The following PBX2 variants were observed in gnomAD, a reference collection of about 807,000 sequenced individuals.
The protein encoded by PBX2 is pre-B-cell leukemia transcription factor 2.
PBX2 carries 10 observed loss-of-function variants against 46.5 expected under a neutral mutation model. The ratio of observed to expected loss-of-function variants is 0.21; its 90% CI spans 0.13 to 0.36. PBX2 has a LOEUF of 0.36. Ranked by LOEUF, PBX2 falls within the 10% of genes least tolerant of loss-of-function variation. The pLI is 1.00. For missense variants in PBX2, 392 were observed against 580.5 expected, an observed-to-expected ratio of 0.68 and a Z score of 3.34; for synonymous variants, 160 against 222.5, an observed-to-expected ratio of 0.72 and a Z score of 2.50.
chr6:32,189,909 C>G lies in PBX2; in HGVS notation c.7G>C (p.Glu3Gln), dbSNP rs774117070. The G allele has an allele frequency of 6.8e-6, 9 of 1,324,594 alleles. No homozygotes were observed. The highest frequency in any genetic ancestry group is 1.6e-5 in the South Asian group (1 of 63,740). 82.1% of individuals were successfully genotyped at this position (1,324,594 alleles called of 1,614,324 possible). The change falls in exon 1 of 9, where the codon GAA becomes CAA. Residue 3 changes from glutamate (E) to glutamine (Q), a missense_variant. Around this residue, in one of 3 missense-constraint regions of PBX2, gnomAD observed 196 missense variants for 246.9 expected, o/e 0.79. Coordinates refer to ENST00000375050, the MANE Select transcript of PBX2 (RefSeq NM_002586.5). The surrounding 1 kb of genome is among the most constrained non-coding windows in gnomAD (Gnocchi z 4.7). Reference protein sequence around the residue: MDERLLGPPPPGG... With the variant: MDQRLLGPPPPGG... Reference sequence around the variant, plus strand: ...GGAGGGGGCGGCCCCAGTAGCCGTTCGTCCATAGCTGGGGGGGGGCCCTGA... The same window carrying G: ...GGAGGGGGCGGCCCCAGTAGCCGTTGGTCCATAGCTGGGGGGGGGCCCTGA...
Position 32,189,112 on chromosome 6 carries a change from T to G in PBX2, c.222-316A>C. 1 of 478,674 alleles carries G rather than the reference T, an allele frequency of 2.1e-6. No homozygotes were observed. Among genetic ancestry groups the G allele is most frequent in the Non-Finnish European group, 3.8e-6 (1 of 263,634 alleles). The allele number at this position is 478,674 out of a possible 1,614,324, so 29.7% of individuals were successfully genotyped here. ...AGAAAGGAAAGTGACTTGGTAGGTT[T>G]CAGAGGGAGAGAGACAGAGGCTGGG... On this transcript the variant is annotated intron_variant, in intron 1 of 8. Coordinates refer to ENST00000375050, the MANE Select transcript of PBX2 (RefSeq NM_002586.5). The surrounding 1 kb of genome is among the most constrained non-coding windows in gnomAD (Gnocchi z 4.7).
chr6:32,188,360 CCAGAGGCTG>C lies in PBX2; in HGVS notation c.431_439del (p.Ala144_Ser146del). Reference sequence around the variant, plus strand: ...GGAGTTGTCAGGGGACACACCACCACCAGAGGCTGCAGCGGCTGCAGCTGCTGCTGCTGA... The same window carrying C: ...GGAGTTGTCAGGGGACACACCACCACCAGCGGCTGCAGCTGCTGCTGCTGA... On this transcript the variant is annotated inframe_deletion, in exon 3 of 9. Coordinates refer to ENST00000375050, the MANE Select transcript of PBX2 (RefSeq NM_002586.5). The surrounding 1 kb of genome is among the most constrained non-coding windows in gnomAD (Gnocchi z 6.5). 6.2e-7 allele frequency: 1 copy of C among 1,614,176 alleles called. No individual in the cohort carries two copies. Among genetic ancestry groups the C allele is most frequent in the Non-Finnish European group, 8.5e-7 (1 of 1,180,042 alleles).
rs996 is a variant in PBX2, at chr6:32,186,256, G to C, written c.*126C>G. 2 of 663,310 alleles carry C rather than the reference G, an allele frequency of 3.0e-6. No individual in the cohort carries two copies. The highest frequency in any genetic ancestry group is 1.8e-5 in the African/African-American group (1 of 55,384). The allele number at this position is 663,310 out of a possible 1,614,324, so 41.1% of individuals were successfully genotyped here. A position where few individuals can be genotyped will look rare whatever the true frequency, so the allele number is the denominator to read the frequency against. On this transcript the variant is annotated 3_prime_UTR_variant, in exon 9 of 9. Coordinates refer to ENST00000375050, the MANE Select transcript of PBX2 (RefSeq NM_002586.5). The surrounding 1 kb of genome is among the most constrained non-coding windows in gnomAD (Gnocchi z 4.2). ...CAGCACAGAGAGTCTCGTTAGGGAG[G>C]GGATGACCCCATTGGCCCTTCTCTG...
chr6:32,188,230 C>T lies in PBX2; in HGVS notation c.543+27G>A. The T allele has an allele frequency of 6.2e-7, 1 of 1,609,374 alleles. No homozygotes were observed. The highest frequency in any genetic ancestry group is 8.5e-7 in the Non-Finnish European group (1 of 1,176,600). On this transcript the variant is annotated intron_variant, in intron 3 of 8. Transcript: ENST00000375050. This position sits in a 1 kb window ranked among gnomAD's most constrained non-coding sequence, Gnocchi z 6.5. ...GATTCCCCTGCAAGAGCCCTTCCCT[C>T]CACCCACCCAAGCCTCCTCTCCTTA...
rs755654721 is a variant in PBX2, at chr6:32,186,714, G to A, written c.1114-24C>T. On this transcript the variant is annotated intron_variant, in intron 7 of 8. Coordinates refer to ENST00000375050, the MANE Select transcript of PBX2 (RefSeq NM_002586.5). This position sits in a 1 kb window ranked among gnomAD's most constrained non-coding sequence, Gnocchi z 4.2. ...ACCTGCAGGCAGCAGAGGAAGGTAT[G>A]ACAGTGAAGAGAAGCCTCAGAGGAA... The A allele has an allele frequency of 6.2e-7, 1 of 1,602,082 alleles. No individual in the cohort carries two copies. Among genetic ancestry groups the A allele is most frequent in the Non-Finnish European group, 8.6e-7 (1 of 1,168,992 alleles).
chr6:32,187,785 A>C lies in PBX2; in HGVS notation c.735-3T>G. On this transcript the variant is annotated splice_polypyrimidine_tract_variant and splice_region_variant and intron_variant, in intron 4 of 8. Transcript: ENST00000375050. This position sits in a 1 kb window ranked among gnomAD's most constrained non-coding sequence, Gnocchi z 7.7. ...TGCTGAAGTTACGGCGCTTTCGTCT[A>C]CAGAGGAGGGAGAAGAGCAGTGAGG... is the stretch of plus-strand genomic sequence containing the variant. 6.2e-7 allele frequency: 1 copy of C among 1,612,226 alleles called. No homozygotes were observed. The highest frequency in any genetic ancestry group is 1.3e-5 in the African/African-American group (1 of 75,052).
chr6:32,189,669 T>C lies in PBX2; in HGVS notation c.221+26A>G, dbSNP rs1787315988. On this transcript the variant is annotated intron_variant, in intron 1 of 8. Coordinates refer to ENST00000375050, the MANE Select transcript of PBX2 (RefSeq NM_002586.5). The surrounding 1 kb of genome is among the most constrained non-coding windows in gnomAD (Gnocchi z 4.7). ...GTGAACGGGGTTTGCTGGGTCTGTGTGGGGTCCCGGAGTGGGGGCACTCAC... is the reference window on the plus strand; with the variant it reads ...GTGAACGGGGTTTGCTGGGTCTGTGCGGGGTCCCGGAGTGGGGGCACTCAC... The C allele has an allele frequency of 1.9e-6, 3 of 1,563,864 alleles. No individual in the cohort carries two copies. The highest frequency in any genetic ancestry group is 2.7e-5 in the African/African-American group (2 of 73,240).
chr6:32,189,668 G>A lies in PBX2; in HGVS notation c.221+27C>T. ...TGTGAACGGGGTTTGCTGGGTCTGT[G>A]TGGGGTCCCGGAGTGGGGGCACTCA... On this transcript the variant is annotated intron_variant, in intron 1 of 8. Coordinates refer to ENST00000375050, the MANE Select transcript of PBX2 (RefSeq NM_002586.5). This position sits in a 1 kb window ranked among gnomAD's most constrained non-coding sequence, Gnocchi z 4.7. 1 of 1,560,170 alleles carries A rather than the reference G, an allele frequency of 6.4e-7. No individual in the cohort carries two copies. Among genetic ancestry groups the A allele is most frequent in the Non-Finnish European group, 8.8e-7 (1 of 1,135,512 alleles).
At position 32,188,236 on chromosome 6, in the gene PBX2, A is replaced by T; in HGVS notation, c.543+21T>A. ...CCTGCAAGAGCCCTTCCCTCCACCC[A>T]CCCAAGCCTCCTCTCCTTACCTGCT... On this transcript the variant is annotated intron_variant, in intron 3 of 8. Coordinates refer to ENST00000375050, the MANE Select transcript of PBX2 (RefSeq NM_002586.5). This position sits in a 1 kb window ranked among gnomAD's most constrained non-coding sequence, Gnocchi z 6.5. 1 of 1,610,668 alleles carries T rather than the reference A, an allele frequency of 6.2e-7. No homozygotes were observed. Among genetic ancestry groups the T allele is most frequent in the African/African-American group, 1.3e-5 (1 of 74,930 alleles).
chr6:32,187,035 G>T lies in PBX2; in HGVS notation c.1025-134C>A. ...AATAACATTCCAACACACAGAAAGAGCAGGCTGTTCCTTGGCCACCCGTGG... is the reference window on the plus strand; with the variant it reads ...AATAACATTCCAACACACAGAAAGATCAGGCTGTTCCTTGGCCACCCGTGG... On this transcript the variant is annotated intron_variant, in intron 6 of 8. Transcript: ENST00000375050. This position sits in a 1 kb window ranked among gnomAD's most constrained non-coding sequence, Gnocchi z 7.7. 9.6e-7 allele frequency: 1 copy of T among 1,045,880 alleles called. No individual in the cohort carries two copies. Among genetic ancestry groups the T allele is most frequent in the Non-Finnish European group, 1.4e-6 (1 of 706,986 alleles). The allele number at this position is 1,045,880 out of a possible 1,614,324, so 64.8% of individuals were successfully genotyped here. A position where few individuals can be genotyped will look rare whatever the true frequency, so the allele number is the denominator to read the frequency against.
Position 32,188,681 on chromosome 6 carries a change from T to A in PBX2, c.295+42A>T, listed in dbSNP as rs758351348. 1 of 1,596,940 alleles carries A rather than the reference T, an allele frequency of 6.3e-7. No individual in the cohort carries two copies. Among genetic ancestry groups the A allele is most frequent in the Non-Finnish European group, 8.6e-7 (1 of 1,165,546 alleles). Reference sequence around the variant, plus strand: ...CACTCTAGCCCTATAATGAACAGGGTTCTGTTCCCAGAGTTGAGCAATCCG... The same window carrying A: ...CACTCTAGCCCTATAATGAACAGGGATCTGTTCCCAGAGTTGAGCAATCCG... On this transcript the variant is annotated intron_variant, in intron 2 of 8. Transcript: ENST00000375050. This position sits in a 1 kb window ranked among gnomAD's most constrained non-coding sequence, Gnocchi z 6.5.
In PBX2 at chr6:32,188,747, G is replaced by A. The variant is rs1413303680; in HGVS notation, c.271C>T (p.Leu91=). 2 of 1,612,854 alleles carry A rather than the reference G, an allele frequency of 1.2e-6. No homozygotes were observed. Among genetic ancestry groups the A allele is most frequent in the Non-Finnish European group, 8.5e-7 (1 of 1,179,994 alleles). ...CCAGTTTTCTCCTTGATTTCACACA[G>A]GACGCTAAAGAGAGCAGGCTTCATT... is the stretch of plus-strand genomic sequence containing the variant. ...HRMKPALFSV[L]CEIKEKTGLS... is the part of the protein sequence containing the mutation. The change falls in exon 2 of 9, where the codon CTG becomes TTG. Residue 91 remains leucine, a synonymous_variant. Coordinates refer to ENST00000375050, the MANE Select transcript of PBX2 (RefSeq NM_002586.5). The surrounding 1 kb of genome is among the most constrained non-coding windows in gnomAD (Gnocchi z 6.5).
chr6:32,188,277 C>G lies in PBX2; in HGVS notation c.523G>C (p.Glu175Gln). ...LAQIRHIYHSELEKYEQACNE... is the reference protein window; with the variant it reads ...LAQIRHIYHSQLEKYEQACNE... ...CTTACCTGCTCATACTTCTCCAGCT[C>G]CGAGTGGTATATGTGACGGATCTGG... The change falls in exon 3 of 9, where the codon GAG (glutamate) becomes CAG (glutamine). Residue 175 changes from glutamate (E) to glutamine (Q), a missense_variant. Glu to Gln is a conservative substitution (Grantham distance 29). Transcript: ENST00000375050. This position sits in a 1 kb window ranked among gnomAD's most constrained non-coding sequence, Gnocchi z 6.5. The G allele has an allele frequency of 6.2e-7, 1 of 1,613,934 alleles. No homozygotes were observed. The highest frequency in any genetic ancestry group is 8.5e-7 in the Non-Finnish European group (1 of 1,180,040).
In PBX2 at chr6:32,187,495, G is replaced by A. The variant is rs1381766866; in HGVS notation, c.871-100C>T. 1 of 1,483,524 alleles carries A rather than the reference G, an allele frequency of 6.7e-7. No individual in the cohort carries two copies. The highest frequency in any genetic ancestry group is 1.4e-5 in the African/African-American group (1 of 70,788). 91.9% of individuals were successfully genotyped at this position (1,483,524 alleles called of 1,614,324 possible). A position where few individuals can be genotyped will look rare whatever the true frequency, so the allele number is the denominator to read the frequency against. On this transcript the variant is annotated intron_variant, in intron 5 of 8. Coordinates refer to ENST00000375050, the MANE Select transcript of PBX2 (RefSeq NM_002586.5). The surrounding 1 kb of genome is among the most constrained non-coding windows in gnomAD (Gnocchi z 7.7). ...GCATTTTTTTTTTTTTTGCTTCCTG[G>A]TCTCACTATGCTGTTGCCCAGGCTG... is the stretch of plus-strand genomic sequence containing the variant.
chr6:32,188,680 G>GTTC lies in PBX2; in HGVS notation c.295+40_295+42dup. On this transcript the variant is annotated intron_variant, in intron 2 of 8. Coordinates refer to ENST00000375050, the MANE Select transcript of PBX2 (RefSeq NM_002586.5). The surrounding 1 kb of genome is among the most constrained non-coding windows in gnomAD (Gnocchi z 6.5). ...ACACTCTAGCCCTATAATGAACAGGGTTCTGTTCCCAGAGTTGAGCAATCC... is the reference window on the plus strand; with the variant it reads ...ACACTCTAGCCCTATAATGAACAGGGTTCTTCTGTTCCCAGAGTTGAGCAATCC... The GTTC allele has an allele frequency of 6.3e-7, 1 of 1,595,796 alleles. No individual in the cohort carries two copies. Among genetic ancestry groups the GTTC allele is most frequent in the Non-Finnish European group, 8.6e-7 (1 of 1,164,396 alleles).
In PBX2 at chr6:32,188,536, A is replaced by T; in HGVS notation, c.296-32T>A. Reference sequence around the variant, plus strand: ...TGCAGGCGAGTGGACTTAGGGACCCAGAGACCCCAATACCCAGTGCTCAGT... The same window carrying T: ...TGCAGGCGAGTGGACTTAGGGACCCTGAGACCCCAATACCCAGTGCTCAGT... On this transcript the variant is annotated intron_variant, in intron 2 of 8. Coordinates refer to ENST00000375050, the MANE Select transcript of PBX2 (RefSeq NM_002586.5). This position sits in a 1 kb window ranked among gnomAD's most constrained non-coding sequence, Gnocchi z 6.5. 1 of 1,608,924 alleles carries T rather than the reference A, an allele frequency of 6.2e-7. No homozygotes were observed. The highest frequency in any genetic ancestry group is 1.1e-5 in the South Asian group (1 of 90,784).
Position 32,187,556 on chromosome 6 carries a change from C to T in PBX2, c.870+91G>A. ...CAAGTGATCCTCCCACTTCAGCCTCCCTAGTAGCTGGGATTACAGGAACAC... is the reference window on the plus strand; with the variant it reads ...CAAGTGATCCTCCCACTTCAGCCTCTCTAGTAGCTGGGATTACAGGAACAC... On this transcript the variant is annotated intron_variant, in intron 5 of 8. Coordinates refer to ENST00000375050, the MANE Select transcript of PBX2 (RefSeq NM_002586.5). This position sits in a 1 kb window ranked among gnomAD's most constrained non-coding sequence, Gnocchi z 7.7. 1.3e-6 allele frequency: 2 copies of T among 1,527,136 alleles called. No homozygotes were observed. The highest frequency in any genetic ancestry group is 1.2e-5 in the South Asian group (1 of 81,050). The allele number at this position is 1,527,136 out of a possible 1,614,324, so 94.6% of individuals were successfully genotyped here. A position where few individuals can be genotyped will look rare whatever the true frequency, so the allele number is the denominator to read the frequency against.
chr6:32,190,187 A>T lies in PBX2; in HGVS notation c.-272T>A. 1 of 199,092 alleles carries T rather than the reference A, an allele frequency of 5.0e-6. No homozygotes were observed. 12.3% of individuals were successfully genotyped at this position (199,092 alleles called of 1,614,324 possible). On this transcript the variant is annotated 5_prime_UTR_variant, in exon 1 of 9. Coordinates refer to ENST00000375050, the MANE Select transcript of PBX2 (RefSeq NM_002586.5). ...CCAAGCGGGGGTGTGTGTGAGAGAG[A>T]GGGAGGAGGGAGGAGGGAGAAGGGG... is the stretch of plus-strand genomic sequence containing the variant.
At position 32,187,470 on chromosome 6, in the gene PBX2, G is replaced by T; in HGVS notation, c.871-75C>A. ...TTCACTGAATAAGATGTGAGTGACAGCATTTTTTTTTTTTTTGCTTCCTGG... is the reference window on the plus strand; with the variant it reads ...TTCACTGAATAAGATGTGAGTGACATCATTTTTTTTTTTTTTGCTTCCTGG... On this transcript the variant is annotated intron_variant, in intron 5 of 8. Coordinates refer to ENST00000375050, the MANE Select transcript of PBX2 (RefSeq NM_002586.5). The surrounding 1 kb of genome is among the most constrained non-coding windows in gnomAD (Gnocchi z 7.7). The T allele has an allele frequency of 6.7e-7, 1 of 1,489,976 alleles. No individual in the cohort carries two copies. Among genetic ancestry groups the T allele is most frequent in the Non-Finnish European group, 9.2e-7 (1 of 1,091,918 alleles). 92.3% of individuals were successfully genotyped at this position (1,489,976 alleles called of 1,614,324 possible). A position where few individuals can be genotyped will look rare whatever the true frequency, so the allele number is the denominator to read the frequency against.
Sources: gnomAD v4.1 joint callset for allele counts on GRCh38, gnomAD v4.1.1 for gene constraint, gnomAD v4.1.1 regional missense constraint, Gnocchi (gnomAD v3.1) non-coding constraint, MANE v1.5 for transcripts, NCBI Gene and HGNC (gene_info 2026-07-23, HGNC 2026-07-21) for gene names.